The following ZFAT variants were observed in gnomAD, a reference collection of about 807,000 sequenced individuals.
ZFAT encodes the protein zinc finger and AT-hook domain containing, also known as zinc finger protein ZFAT.
ZFAT carries 64 observed loss-of-function variants against 117.7 expected under a neutral mutation model. That is an observed-to-expected ratio of 0.54 (90% CI 0.44 to 0.67). The LOEUF is 0.67. Among genes scored for constraint, ZFAT ranks in the 30% least tolerant of loss-of-function variants. ZFAT has a pLI of 0.00. For synonymous variants in ZFAT, 679 were observed against 615.0 expected (o/e 1.10, Z -1.54); for missense variants, 1,433 against 1,584.5 (o/e 0.90, Z 1.62).
intron 11 of ZFAT, among the ~76,000 whole-genome samples, chr8:134,552,003 A>G (rs954917232): frequency 6.6e-6 from 1 of 152,240 alleles, no homozygotes; most frequent in Admixed American, 6.5e-5. Flanking sequence ...ACAGGATAAT[A>G]TATTAATCCA....
chr8:134,605,627 A>C (rs7842093), intron 5 of ZFAT, among the ~76,000 whole-genome samples: 86,186 of 151,828 alleles, frequency 0.57, 25,200 homozygotes, highest in East Asian at 0.89. Flanking sequence ...TATTCCACTT[A>C]TGGGAATTTA....
At chr8:134,671,838 T>C (rs1445748439) in intron 1 of ZFAT, among the ~76,000 whole-genome samples, 2 of 152,218 alleles carry the variant, frequency 1.3e-5, no homozygotes, top group Non-Finnish European at 2.9e-5. Context: ...ATGACATGAT[T>C]GTATATTTAG....
At chr8:134,517,392 C>T (rs1189155436) in intron 13 of ZFAT, among the ~76,000 whole-genome samples, 4 of 152,146 alleles carry the variant, frequency 2.6e-5, no homozygotes, top group Non-Finnish European at 5.9e-5. Flanking sequence ...CCTTTCCCTA[C>T]ATATAATGAC....
chr8:134,633,617 A>G (rs2873014), intron 3 of ZFAT, among the ~76,000 whole-genome samples: 110,070 of 152,216 alleles, frequency 0.72, 40,165 homozygotes, highest in East Asian at 0.91. Flanking sequence ...ACAGCAAAGC[A>G]GTCAAAAGCA....
chr8:134,741,955 C>T, the ZFAT span, among the ~76,000 whole-genome samples: 1,409 of 152,132 alleles, frequency 9.3e-3, 6 homozygotes, highest in Middle Eastern at 0.017. Flanking sequence ...TCCTCAACAC[C>T]TCTTCACCTG....
chr8:134,573,732 C>T (rs1825103096), intron 10 of ZFAT, among the ~76,000 whole-genome samples: 1 of 152,226 alleles, frequency 6.6e-6, no homozygotes, highest in South Asian at 2.1e-4. Context: ...AATCTCTCTC[C>T]ACTTTCAAGT....
intron 1 of ZFAT, among the ~76,000 whole-genome samples, chr8:134,699,418 C>A (rs1434885776): frequency 1.3e-5 from 2 of 152,154 alleles, no homozygotes; most frequent in African/African-American, 2.4e-5. Flanking sequence ...TGGCTGCACT[C>A]CTAGTGAGGA....
chr8:134,815,127 C>T, the ZFAT span, among the ~76,000 whole-genome samples: 1 of 152,090 alleles, frequency 6.6e-6, no homozygotes, highest in Non-Finnish European at 1.5e-5. Context: ...TAACTTAATG[C>T]TTCTATGTGA....
chr8:134,506,647 T>C (rs1193508171), intron 15 of ZFAT, among the ~76,000 whole-genome samples: 2 of 152,242 alleles, frequency 1.3e-5, no homozygotes, highest in Non-Finnish European at 2.9e-5. Flanking sequence ...TCAGTGATTA[T>C]TGATGAATTT....
At chr8:134,692,290 T>C (rs1262925545) in intron 1 of ZFAT, among the ~76,000 whole-genome samples, 1 of 152,104 alleles carries the variant, frequency 6.6e-6, no homozygotes. Flanking sequence ...ATCTATAAAA[T>C]GGGAATAAAT....
At chr8:134,485,479 G>A (rs1046539711) in intron 15 of ZFAT, among the ~76,000 whole-genome samples, 11 of 152,200 alleles carry the variant, frequency 7.2e-5, no homozygotes, top group South Asian at 2.1e-4. Flanking sequence ...AAAAATGCCC[G>A]GAGGCTGGCT....
intron 1 of ZFAT, among the ~76,000 whole-genome samples, chr8:134,663,791 C>G (rs1832061335): frequency 6.6e-6 from 1 of 152,134 alleles, no homozygotes; most frequent in South Asian, 2.1e-4. Flanking sequence ...GTCTAAATAA[C>G]ATTTAAAAAT....
intron 10 of ZFAT, among the ~76,000 whole-genome samples, chr8:134,566,217 AC>A (rs1299122624): frequency 6.6e-6 from 1 of 152,104 alleles, no homozygotes; most frequent in Non-Finnish European, 1.5e-5. Flanking sequence ...ACACAGTGAA[AC>A]CCTGTCTCTA....
intron 1 of ZFAT, among the ~76,000 whole-genome samples, chr8:134,686,768 A>G (rs1027304579): frequency 6.6e-6 from 1 of 152,120 alleles, no homozygotes; most frequent in Non-Finnish European, 1.5e-5. Flanking sequence ...ACCATTCTAC[A>G]TGAAGCATCA....
intron 11 of ZFAT, among the ~76,000 whole-genome samples, chr8:134,558,003 G>C (rs1442528282): frequency 6.6e-6 from 1 of 152,242 alleles, no homozygotes; most frequent in African/African-American, 2.4e-5. Context: ...TGGGGCCCCT[G>C]CATCAGAACC....
At chr8:134,504,663 T>C (rs1432275749) in intron 15 of ZFAT, among the ~76,000 whole-genome samples, 1 of 152,192 alleles carries the variant, frequency 6.6e-6, no homozygotes, top group East Asian at 1.9e-4. Context: ...AGGAAGCCCA[T>C]GGCCAAAGGA....
chr8:134,656,156 G>A (rs139347024), intron 2 of ZFAT, among the ~76,000 whole-genome samples: 2 of 152,274 alleles, frequency 1.3e-5, no homozygotes, highest in Non-Finnish European at 2.9e-5. Flanking sequence ...GAGGGAGGGC[G>A]CTGAACTGCA....
intron 15 of ZFAT, among the ~76,000 whole-genome samples, chr8:134,491,885 CT>C (rs1298143576): frequency 6.6e-6 from 1 of 152,242 alleles, no homozygotes; most frequent in African/African-American, 2.4e-5. Context: ...TGGGGCACCA[CT>C]GTCCTGCCAA....
At chr8:134,781,151 G>A in the ZFAT span, among the ~76,000 whole-genome samples, 2 of 151,890 alleles carry the variant, frequency 1.3e-5, no homozygotes, top group African/African-American at 4.8e-5. Flanking sequence ...TTTGAGACAG[G>A]GTCTTGCTCT....
Sources: gnomAD v4.1 joint callset for allele counts (sites outside exome capture counted in the v4.1 genomes callset) on GRCh38, gnomAD v4.1.1 for gene constraint, MANE v1.5 for transcripts, NCBI Gene and HGNC (gene_info 2026-07-23, HGNC 2026-07-21) for gene names.